The following SBF2 variants were observed in gnomAD, a reference collection of about 807,000 sequenced individuals.
The protein encoded by SBF2 is SET binding factor 2.
SBF2 carries 112 observed loss-of-function variants against 225.2 expected under a neutral mutation model. The observed-to-expected ratio is 0.50, with a 90% CI of 0.43 to 0.58. The LOEUF (loss-of-function observed/expected upper bound fraction) is 0.58. Among genes scored for constraint, SBF2 ranks in the 20% least tolerant of loss-of-function variants. The pLI, the probability that SBF2 is intolerant of heterozygous loss-of-function variation, is 0.00. For synonymous variants in SBF2, 763 were observed against 773.3 expected, an observed-to-expected ratio of 0.99 and a Z score of 0.22; for missense variants, 1,996 against 2,206.2, an observed-to-expected ratio of 0.90 and a Z score of 1.91.
At chr11:10,139,609 C>T (rs1396964543) in intron 2 of SBF2, among the ~76,000 whole-genome samples, 1 of 152,200 alleles carries the variant, frequency 6.6e-6, no homozygotes, top group Non-Finnish European at 1.5e-5. Flanking sequence ...TTTACTTTTA[C>T]ATTTTCTATC....
chr11:10,289,448 C>T (rs1964020898), intron 1 of SBF2, among the ~76,000 whole-genome samples: 1 of 152,240 alleles, frequency 6.6e-6, no homozygotes, highest in East Asian at 1.9e-4. Flanking sequence ...CATGCCCCCT[C>T]GTAGCCTGGA....
At chr11:10,114,279 T>C (rs1209476747) in intron 2 of SBF2, among the ~76,000 whole-genome samples, 1 of 152,240 alleles carries the variant, frequency 6.6e-6, no homozygotes, top group Non-Finnish European at 1.5e-5. Flanking sequence ...GTATATACTT[T>C]ATTTGGAACT....
At chr11:9,789,726 T>C (rs1852619101) in intron 34 of SBF2, among the ~76,000 whole-genome samples, 1 of 152,192 alleles carries the variant, frequency 6.6e-6, no homozygotes, top group Non-Finnish European at 1.5e-5. Context: ...TCATTATGTA[T>C]ACCCCAGCCC....
At chr11:9,932,407 A>G (rs1308490587) in intron 16 of SBF2, among the ~76,000 whole-genome samples, 2 of 152,220 alleles carry the variant, frequency 1.3e-5, no homozygotes, top group Admixed American at 6.5e-5. Flanking sequence ...CACAAAGGGA[A>G]GCCCATCAGA....
intron 2 of SBF2, among the ~76,000 whole-genome samples, chr11:10,054,159 A>G (rs1950165949): frequency 6.6e-6 from 1 of 152,188 alleles, no homozygotes; most frequent in Admixed American, 6.6e-5. Flanking sequence ...TGCTTTTGGT[A>G]AAAATTTACA....
chr11:9,993,038 G>T lies in SBF2; in HGVS notation c.1119C>A (p.Cys373Ter). 1 of 1,612,744 alleles carries T rather than the reference G, an allele frequency of 6.2e-7. No individual in the cohort carries two copies. Among genetic ancestry groups the T allele is most frequent in the Non-Finnish European group, 8.5e-7 (1 of 1,179,684 alleles). ...CTGCATGAATTCTTATAAGTTGCAG[G>T]CAGGATCTATATCCTTGGAAGAGTT... is the stretch of plus-strand genomic sequence containing the variant. ...FAQLFQGYRS[C>*]LQLIRIHAEP... The change falls in exon 11 of 40, where the codon TGC (cysteine) becomes TGA (stop). Residue 373 changes from cysteine (C) to a stop codon, truncating the protein, a stop_gained. Coordinates refer to ENST00000256190, the MANE Select transcript of SBF2 (RefSeq NM_030962.4). LOFTEE classifies it high-confidence loss of function.
rs1555073581 is a variant in SBF2 at position 10,196,866 on chromosome 11, A to ATTTT, written c.56-2883_56-2880dup. On this transcript the variant is annotated intron_variant, in intron 1 of 39. Coordinates refer to ENST00000256190, the MANE Select transcript of SBF2 (RefSeq NM_030962.4). ...TATATATATATATATATATATATAT[A>ATTTT]TTTTTTTTTTCCTACAAAATGAATA... Among the ~76,000 whole-genome samples, 399 of 99,280 alleles carry ATTTT rather than the reference A, an allele frequency of 4.0e-3. 19 individuals carry two copies. Among genetic ancestry groups the ATTTT allele is most frequent in the Middle Eastern group, 0.028 (4 of 142 alleles). The allele number at this position is 99,280 out of a possible 152,430, so 65.1% of individuals were successfully genotyped here. A position where few individuals can be genotyped will look rare whatever the true frequency, so the allele number is the denominator to read the frequency against.
chr11:10,286,954 T>G (rs1400411874), intron 1 of SBF2, among the ~76,000 whole-genome samples: 2 of 152,230 alleles, frequency 1.3e-5, no homozygotes, highest in African/African-American at 4.8e-5. Context: ...AAGATCTGTA[T>G]GCAAATGTTC....
chr11:10,238,249 G>C (rs1026823625), intron 1 of SBF2, among the ~76,000 whole-genome samples: 2 of 151,808 alleles, frequency 1.3e-5, no homozygotes, highest in Non-Finnish European at 2.9e-5. Flanking sequence ...TCTCTACAAA[G>C]AACAGGAAAA....
chr11:9,846,776 G>A (rs1351099537), intron 23 of SBF2, among the ~76,000 whole-genome samples, 180 bp downstream of exon 23: 4 of 152,136 alleles, frequency 2.6e-5, no homozygotes, highest in African/African-American at 9.7e-5. Flanking sequence ...AGGGGCTCCA[G>A]GGATTAAATC....
intron 2 of SBF2, among the ~76,000 whole-genome samples, chr11:10,169,720 G>T (rs956395174): frequency 6.6e-6 from 1 of 152,124 alleles, no homozygotes; most frequent in Non-Finnish European, 1.5e-5. Context: ...TAGATCATAT[G>T]GTAGCTCTAT....
At chr11:9,950,868 T>C (rs1325801516) in intron 16 of SBF2, among the ~76,000 whole-genome samples, 2 of 152,246 alleles carry the variant, frequency 1.3e-5, no homozygotes, top group Non-Finnish European at 2.9e-5. Flanking sequence ...CATTCATTTA[T>C]TCATTTATTA....
intron 1 of SBF2, among the ~76,000 whole-genome samples, chr11:10,227,783 A>G (rs1313695963): frequency 2.0e-5 from 3 of 152,126 alleles, no homozygotes; most frequent in Admixed American, 1.3e-4. Context: ...CTTTTGGCTT[A>G]GGATTGACTT....
chr11:10,140,108 T>C (rs1321422107), intron 2 of SBF2, among the ~76,000 whole-genome samples: 1 of 152,242 alleles, frequency 6.6e-6, no homozygotes, highest in African/African-American at 2.4e-5. Context: ...AAAACCCTTG[T>C]AATTTCCTGA....
intron 1 of SBF2, among the ~76,000 whole-genome samples, chr11:10,259,034 T>C (rs757712780): frequency 6.6e-6 from 1 of 152,224 alleles, no homozygotes; most frequent in Non-Finnish European, 1.5e-5. Context: ...GGGAACCTAG[T>C]CCTTGGACTT....
At chr11:10,121,314 C>A (rs1450958043) in intron 2 of SBF2, among the ~76,000 whole-genome samples, 1 of 152,190 alleles carries the variant, frequency 6.6e-6, no homozygotes, top group Non-Finnish European at 1.5e-5. Flanking sequence ...TCTAAGACAG[C>A]CTGCTTCTGT....
intron 2 of SBF2, among the ~76,000 whole-genome samples, chr11:10,156,802 A>T (rs1955497191): frequency 6.6e-6 from 1 of 152,256 alleles, no homozygotes; most frequent in Non-Finnish European, 1.5e-5. Context: ...TTCCATGCTT[A>T]TCAGAGGAAC....
At chr11:10,204,877 G>A (rs1957699119) in intron 1 of SBF2, among the ~76,000 whole-genome samples, 2 of 151,214 alleles carry the variant, frequency 1.3e-5, no homozygotes, top group Admixed American at 1.3e-4. Flanking sequence ...AACGGATATA[G>A]GGTTTCTTTG....
chr11:10,146,468 G>C (rs112623228), intron 2 of SBF2, among the ~76,000 whole-genome samples: 93 of 152,266 alleles, frequency 6.1e-4, no homozygotes, highest in African/African-American at 2.0e-3. Flanking sequence ...AACAAGCACT[G>C]GGGAAAGGAC....
Sources: gnomAD v4.1 joint callset for allele counts (sites outside exome capture counted in the v4.1 genomes callset) on GRCh38, gnomAD v4.1.1 for gene constraint, MANE v1.5 for transcripts, NCBI Gene and HGNC (gene_info 2026-07-23, HGNC 2026-07-21) for gene names.